Variants in MAF observed in about 807,000 individuals in gnomAD.
The protein encoded by MAF is MAF bZIP transcription factor.
Under a neutral mutation model 22.0 loss-of-function variants are expected in MAF, and 10 were observed. That is an observed-to-expected ratio of 0.45 (90% CI 0.28 to 0.77). The LOEUF is 0.77. Among genes scored for constraint, MAF ranks in the 30% least tolerant of loss-of-function variants. MAF has a pLI of 0.12. For missense variants in MAF, 544 were observed against 548.4 expected (o/e 0.99, Z 0.08); for synonymous variants, 337 against 255.8 (o/e 1.32, Z -3.03).
At chr16:79,211,040 T>TGTGTGTGTGTGTGG in the MAF span, among the ~76,000 whole-genome samples, 1 of 145,994 alleles carries the variant, frequency 6.8e-6, no homozygotes, top group Non-Finnish European at 1.5e-5. Context: ...GAGGAGTGTG[T>TGTGTGTGTGTGTGG]GTGTGTGTGT....
chr16:79,543,051 A>T, the MAF span, among the ~76,000 whole-genome samples: 1 of 152,226 alleles, frequency 6.6e-6, no homozygotes, highest in Non-Finnish European at 1.5e-5. Context: ...ACAATAAAAA[A>T]CAGTAAATGT....
the MAF span, among the ~76,000 whole-genome samples, chr16:79,514,488 C>CAG: frequency 5.9e-5 from 9 of 152,140 alleles, no homozygotes; most frequent in African/African-American, 9.7e-5. Context: ...AATTCCTTGT[C>CAG]AGTTGAGAAT....
the MAF span, among the ~76,000 whole-genome samples, chr16:79,375,276 A>T: frequency 6.6e-6 from 1 of 152,218 alleles, no homozygotes; most frequent in Non-Finnish European, 1.5e-5. Flanking sequence ...GCCTACATAA[A>T]AGGGTTCAAG....
chr16:79,377,725 G>C, the MAF span, among the ~76,000 whole-genome samples: 1 of 152,090 alleles, frequency 6.6e-6, no homozygotes, highest in East Asian at 1.9e-4. Context: ...GGAAGAGGTC[G>C]AGTTTCAGCT....
the MAF span, among the ~76,000 whole-genome samples, chr16:79,300,908 A>C: frequency 6.6e-6 from 1 of 152,074 alleles, no homozygotes; most frequent in Non-Finnish European, 1.5e-5. Flanking sequence ...ATACAAACCA[A>C]AATGCTTGTG....
chr16:79,394,528 T>G, the MAF span, among the ~76,000 whole-genome samples: 1 of 152,218 alleles, frequency 6.6e-6, no homozygotes, highest in Non-Finnish European at 1.5e-5. Context: ...GGGCACATAC[T>G]CTTCTCTGTC....
chr16:79,211,390 A>G, the MAF span, among the ~76,000 whole-genome samples: 2 of 152,208 alleles, frequency 1.3e-5, no homozygotes, highest in Non-Finnish European at 2.9e-5. Flanking sequence ...AAGTTACACC[A>G]GCTTTACAAG....
chr16:79,479,658 A>C, the MAF span, among the ~76,000 whole-genome samples: 1 of 152,214 alleles, frequency 6.6e-6, no homozygotes, highest in East Asian at 1.9e-4. Flanking sequence ...CACAGTACTG[A>C]GTATGTGAAA....
chr16:79,487,526 G>C, the MAF span, among the ~76,000 whole-genome samples: 1 of 151,906 alleles, frequency 6.6e-6, no homozygotes, highest in East Asian at 1.9e-4. Flanking sequence ...TTTTCTGTTT[G>C]GGGGCAATCC....
the MAF span, among the ~76,000 whole-genome samples, chr16:79,220,170 T>A: frequency 6.7e-6 from 1 of 148,720 alleles, no homozygotes; most frequent in African/African-American, 2.5e-5. Context: ...GCAGGAGAAT[T>A]GCTTGAGCCC....
chr16:79,408,290 C>T, the MAF span, among the ~76,000 whole-genome samples: 1 of 151,980 alleles, frequency 6.6e-6, no homozygotes, highest in Non-Finnish European at 1.5e-5. Flanking sequence ...AATTCTCCTG[C>T]CTCAGCCTCT....
the MAF span, among the ~76,000 whole-genome samples, chr16:79,240,371 C>T: frequency 6.6e-6 from 1 of 151,036 alleles, no homozygotes; most frequent in African/African-American, 2.4e-5. Flanking sequence ...CATCCCACTC[C>T]CAAGCCCTAC....
chr16:79,348,517 T>C, the MAF span, among the ~76,000 whole-genome samples: 7 of 152,314 alleles, frequency 4.6e-5, no homozygotes, highest in African/African-American at 1.7e-4. Context: ...TCTCGCAATA[T>C]TGATTGGCAC....
At chr16:79,544,762 G>C in the MAF span, among the ~76,000 whole-genome samples, 1 of 124,754 alleles carries the variant, frequency 8.0e-6, no homozygotes, top group Non-Finnish European at 1.7e-5. Context: ...GACAGAGCAA[G>C]GCTCTGTCTC....
chr16:79,551,931 G>A, the MAF span, among the ~76,000 whole-genome samples: 1 of 152,074 alleles, frequency 6.6e-6, no homozygotes. Flanking sequence ...TAGAGGACTG[G>A]GCCTGGCCTT....
the MAF span, among the ~76,000 whole-genome samples, chr16:79,440,809 A>T: frequency 6.6e-6 from 1 of 151,984 alleles, no homozygotes; most frequent in Non-Finnish European, 1.5e-5. Flanking sequence ...TCTGATAACA[A>T]CTCCATGCTA....
At chr16:79,488,086 T>C in the MAF span, among the ~76,000 whole-genome samples, 1 of 152,190 alleles carries the variant, frequency 6.6e-6, no homozygotes, top group Non-Finnish European at 1.5e-5. Context: ...AATCTGTCCC[T>C]GGAGACCTGG....
the MAF span, among the ~76,000 whole-genome samples, chr16:79,425,989 C>A: frequency 3.9e-5 from 6 of 152,106 alleles, no homozygotes; most frequent in Non-Finnish European, 8.8e-5. Flanking sequence ...GGCGGATCAC[C>A]AGATCAGGAG....
the MAF span, among the ~76,000 whole-genome samples, chr16:79,309,373 C>T: frequency 6.6e-6 from 1 of 152,180 alleles, no homozygotes; most frequent in Non-Finnish European, 1.5e-5. Flanking sequence ...TCTCTCTGGC[C>T]TCCCCACCTT....
Sources: gnomAD v4.1 joint callset for allele counts (sites outside exome capture counted in the v4.1 genomes callset) on GRCh38, gnomAD v4.1.1 for gene constraint, MANE v1.5 for transcripts, NCBI Gene and HGNC (gene_info 2026-07-23, HGNC 2026-07-21) for gene names.